The following AATF variants were observed in gnomAD, a reference collection of about 807,000 sequenced individuals.
AATF encodes apoptosis antagonizing transcription factor.
In AATF, 48 loss-of-function variants were observed where a neutral mutation model predicts 63.7. That is an observed-to-expected ratio of 0.75 (90% CI 0.60 to 0.96). AATF has a LOEUF of 0.96. Ranked by LOEUF, AATF falls within the 40% of genes least tolerant of loss-of-function variation. The pLI, the probability that AATF is intolerant of heterozygous loss-of-function variation, is 0.00. For synonymous variants in AATF, 258 were observed against 247.7 expected (o/e 1.04, Z -0.39); for missense variants, 639 against 685.7 (o/e 0.93, Z 0.76).
At chr17:36,999,173 T>A (rs1428432340) in intron 8 of AATF, 8 of 152,198 alleles carry the variant, frequency 5.3e-5, no homozygotes, top group African/African-American at 1.9e-4. Flanking sequence ...TAGAAGAATC[T>A]TCAGATTGGT....
At chr17:37,047,815 A>G (rs1881861003) in intron 11 of AATF, among the ~76,000 whole-genome samples, 1 of 152,162 alleles carries the variant, frequency 6.6e-6, no homozygotes, top group African/African-American at 2.4e-5. Flanking sequence ...CCACTTGGAA[A>G]CGAGTCGTGT....
chr17:36,960,870 T>A (rs905849561), intron 4 of AATF, among the ~76,000 whole-genome samples: 4 of 152,188 alleles, frequency 2.6e-5, no homozygotes, highest in Non-Finnish European at 4.4e-5. Context: ...TATCATTTTT[T>A]AAAATAGCTT....
intron 11 of AATF, chr17:37,055,938 T>A (rs1048294489): frequency 2.0e-5 from 3 of 152,320 alleles, no homozygotes; most frequent in African/African-American, 7.2e-5. Context: ...CTTTGGCCGA[T>A]GTTTGTGTGT....
chr17:37,006,664 C>T (rs2071343948), intron 8 of AATF, among the ~76,000 whole-genome samples: 2 of 152,098 alleles, frequency 1.3e-5, no homozygotes, highest in South Asian at 2.1e-4. Context: ...TTGGGAGACA[C>T]GATATATCAT....
rs576333938 is a variant in AATF at position 37,053,733 on chromosome 17, G to A, written c.1620-2868G>A. ...AATAAAAAATTAGCCGGGCGTGGTGGTGCGCACCTGCAGTCCCAATTACTT... is the reference window on the plus strand; with the variant it reads ...AATAAAAAATTAGCCGGGCGTGGTGATGCGCACCTGCAGTCCCAATTACTT... On this transcript the variant is annotated intron_variant, in intron 11 of 11. Transcript: ENST00000619387. Among the ~76,000 whole-genome samples, 6 of 152,322 alleles carry A rather than the reference G, an allele frequency of 3.9e-5. No individual in the cohort carries two copies. The East Asian group carries it at 1.2e-3, about 29-fold the overall frequency.
intron 10 of AATF, among the ~76,000 whole-genome samples, chr17:37,029,019 T>C (rs1418089081): frequency 6.6e-6 from 1 of 151,952 alleles, no homozygotes; most frequent in Non-Finnish European, 1.5e-5. Context: ...GGTAGAAGGA[T>C]TGTGTGTGGG....
chr17:36,971,254 G>A (rs2071037037), intron 4 of AATF, among the ~76,000 whole-genome samples: 1 of 152,078 alleles, frequency 6.6e-6, no homozygotes, highest in Admixed American at 6.5e-5. Context: ...AAAAAAAAAT[G>A]GGCAAAAGAT....
At chr17:37,003,471 CTTTTT>C (rs1163393533) in intron 8 of AATF, among the ~76,000 whole-genome samples, 2 of 96,646 alleles carry the variant, frequency 2.1e-5, no homozygotes. Context: ...TTGACAAGAA[CTTTTT>C]TTTTTTTTTT....
chr17:37,017,045 G>T (rs2071434045), intron 8 of AATF, among the ~76,000 whole-genome samples: 1 of 152,228 alleles, frequency 6.6e-6, no homozygotes. Context: ...CACCAACTTG[G>T]TGTTGGAATT....
At chr17:36,960,216 A>G (rs2070935992) in intron 4 of AATF, among the ~76,000 whole-genome samples, 1 of 152,016 alleles carries the variant, frequency 6.6e-6, no homozygotes, top group Non-Finnish European at 1.5e-5. Context: ...GTTTCACCAT[A>G]TTGGCCAGGC....
At chr17:36,965,432 C>T (rs558160744) in intron 4 of AATF, among the ~76,000 whole-genome samples, 1 of 152,318 alleles carries the variant, frequency 6.6e-6, no homozygotes, top group African/African-American at 2.4e-5. Flanking sequence ...CATTGGACCA[C>T]CTGGCTTATC....
In AATF at chr17:36,988,654, C is replaced by A. The variant is rs2071188330; in HGVS notation, c.1083C>A (p.Val361=). 6.2e-7 allele frequency: 1 copy of A among 1,614,126 alleles called. No homozygotes were observed. Among genetic ancestry groups the A allele is most frequent in the Non-Finnish European group, 8.5e-7 (1 of 1,180,010 alleles). ...CAAAGCGCTTTGCCGACTTTACAGT[C>A]TACAGGAACCGCACACTTCAGAAAT... ...FMAKRFADFT[V]YRNRTLQKWH... The change falls in exon 6 of 12, where the codon GTC becomes GTA. Residue 361 remains valine, a synonymous_variant. Coordinates refer to ENST00000619387, the MANE Select transcript of AATF (RefSeq NM_012138.4).
chr17:36,986,119 C>T (rs2071166857), intron 4 of AATF, among the ~76,000 whole-genome samples: 1 of 152,110 alleles, frequency 6.6e-6, no homozygotes, highest in Admixed American at 6.5e-5. Context: ...ATGAGATCTC[C>T]TGGGGGCAAG....
chr17:36,991,310 T>C (rs1280360774), intron 8 of AATF, among the ~76,000 whole-genome samples: 2 of 152,230 alleles, frequency 1.3e-5, no homozygotes, highest in Non-Finnish European at 2.9e-5. Context: ...TTTTTGTGCC[T>C]GTCGAAGTCA....
At chr17:36,971,532 C>T in intron 4 of AATF, among the ~76,000 whole-genome samples, 1 of 152,148 alleles carries the variant, frequency 6.6e-6, no homozygotes, top group East Asian at 1.9e-4. Context: ...TAAAGCTAAA[C>T]ATATATTCAT....
At chr17:36,968,266 C>CTTTTTTTTTTTTTTTTTTTTTT (rs2071009164) in intron 4 of AATF, among the ~76,000 whole-genome samples, 3 of 75,572 alleles carry the variant, frequency 4.0e-5, no homozygotes, top group Admixed American at 1.6e-4. Context: ...TTCTTTCCTT[C>CTTTTTTTTTTTTTTTTTTTTTT]TTTCTTTTTT....
intron 8 of AATF, among the ~76,000 whole-genome samples, chr17:37,017,866 G>C (rs1050124200): frequency 2.0e-5 from 3 of 152,124 alleles, no homozygotes; most frequent in Non-Finnish European, 4.4e-5. Flanking sequence ...TCTGCTTTCA[G>C]AGGAATTTAT....
At chr17:37,041,061 G>A (rs908480426) in intron 11 of AATF, among the ~76,000 whole-genome samples, 4 of 151,930 alleles carry the variant, frequency 2.6e-5, no homozygotes, top group African/African-American at 4.8e-5. Flanking sequence ...AATATAGAAA[G>A]GACAAAGAAA....
At chr17:37,037,285 G>A (rs193092685) in intron 11 of AATF, among the ~76,000 whole-genome samples, 1 of 152,300 alleles carries the variant, frequency 6.6e-6, no homozygotes, top group Admixed American at 6.5e-5. Context: ...AAAGTCCTGG[G>A]ATTATAGGCG....
Sources: gnomAD v4.1 joint callset for allele counts (sites outside exome capture counted in the v4.1 genomes callset) on GRCh38, gnomAD v4.1.1 for gene constraint, MANE v1.5 for transcripts, NCBI Gene and HGNC (gene_info 2026-07-23, HGNC 2026-07-21) for gene names.